ANXA6: variants seen among roughly 807,000 people sequenced by gnomAD.
The protein encoded by ANXA6 is 67 kDa calelectrin.
Under a neutral mutation model 95.4 loss-of-function variants are expected in ANXA6, and 71 were observed. The observed-to-expected ratio is 0.74, with a 90% CI of 0.61 to 0.91. ANXA6 has a LOEUF of 0.91. Ranked by LOEUF, ANXA6 falls within the 40% of genes least tolerant of loss-of-function variation. The pLI, the probability that ANXA6 is intolerant of heterozygous loss-of-function variation, is 0.00. For synonymous variants in ANXA6, 289 were observed against 315.9 expected (o/e 0.91, Z 0.90); for missense variants, 830 against 876.4 (o/e 0.95, Z 0.67).
intron 25 of ANXA6, 137 bp downstream of exon 25, chr5:151,103,433 C>T: frequency 1.5e-6 from 1 of 689,582 alleles, no homozygotes; most frequent in Non-Finnish European, 2.3e-6. Context: ...CAATACAGAC[C>T]CCCTTTCATT....
chr5:151,141,107 G>C (rs1045412805), intron 2 of ANXA6, among the ~76,000 whole-genome samples: 5 of 152,248 alleles, frequency 3.3e-5, no homozygotes, highest in Admixed American at 6.5e-5. Context: ...AGAGAGCCAG[G>C]GGATCTTAGA....
At chr5:151,105,744 G>C (rs1017090099) in intron 23 of ANXA6, among the ~76,000 whole-genome samples, 3 of 152,156 alleles carry the variant, frequency 2.0e-5, no homozygotes, top group Non-Finnish European at 4.4e-5. Context: ...AACAACATTA[G>C]CATCACTTGA....
In ANXA6 at chr5:151,140,207, C is replaced by A; in HGVS notation, c.55G>T (p.Gly19Cys). Residue 19 changes from glycine (G) to cysteine (C), a missense_variant, in exon 3 of 26, where the codon GGC becomes TGC. Coordinates refer to ENST00000354546, the MANE Select transcript of ANXA6 (RefSeq NM_001155.5). Reference protein sequence around the residue: ...KYRGSIHDFPGFDPNQDAEAL... With the variant: ...KYRGSIHDFPCFDPNQDAEAL... ...TCGGCATCCTGGTTGGGGTCAAAGCCTGGGAAGTCATGGATGGAGCCCCGG... is the reference window on the plus strand; with the variant it reads ...TCGGCATCCTGGTTGGGGTCAAAGCATGGGAAGTCATGGATGGAGCCCCGG... The A allele has an allele frequency of 1.2e-6, 2 of 1,613,912 alleles. No individual in the cohort carries two copies. The highest frequency in any genetic ancestry group is 1.7e-4 in the Middle Eastern group (1 of 6,060).
chr5:151,137,160 G>T, intron 6 of ANXA6, 71 bp downstream of exon 6: 1 of 1,305,198 alleles, frequency 7.7e-7, no homozygotes, highest in Non-Finnish European at 1.1e-6. Flanking sequence ...TAGAATCTTA[G>T]TGTCCCCACT....
intron 1 of ANXA6, among the ~76,000 whole-genome samples, chr5:151,156,868 A>T (rs1440695956): frequency 6.6e-6 from 1 of 152,204 alleles, no homozygotes; most frequent in Non-Finnish European, 1.5e-5. Flanking sequence ...TGGGTTTCTC[A>T]ACTATGGACT....
In ANXA6 at chr5:151,157,211, C is replaced by T. The variant is rs62379702; in HGVS notation, c.-26+469G>A. Reference sequence around the variant, plus strand: ...CGCAGGCAGCCCTCCCCCGACACCACACACAAGCCATTTTATAAGCAGCTG... The same window carrying T: ...CGCAGGCAGCCCTCCCCCGACACCATACACAAGCCATTTTATAAGCAGCTG... On this transcript the variant is annotated intron_variant, in intron 1 of 25. Transcript: ENST00000354546. 5.0e-3 allele frequency among the ~76,000 whole-genome samples: 767 copies of T among 152,326 alleles called. 6 individuals carry two copies. The highest frequency in any genetic ancestry group is 7.6e-3 in the Admixed American group (116 of 15,310).
At chr5:151,135,249 T>C (rs1765625100) in intron 7 of ANXA6, among the ~76,000 whole-genome samples, 1 of 152,150 alleles carries the variant, frequency 6.6e-6, no homozygotes, top group Non-Finnish European at 1.5e-5. Context: ...GCTTACAATG[T>C]GTGCCGCGCT....
intron 14 of ANXA6, among the ~76,000 whole-genome samples, chr5:151,126,054 AGTGCACCCAGGGATGCCCATCT>A (rs1765305959): frequency 1.3e-5 from 2 of 152,304 alleles, no homozygotes; most frequent in Admixed American, 1.3e-4. Context: ...GAAATCCTCC[AGTGCACCCAGGGATGCCCATCT>A]GTTCTCAGCT....
At chr5:151,148,053 G>A in intron 1 of ANXA6, 127 bp from the exon 2 acceptor site, 1 of 876,464 alleles carries the variant, frequency 1.1e-6, no homozygotes, top group Non-Finnish European at 1.8e-6. Context: ...CAGACCCAAT[G>A]ACCCAGCTCA....
At chr5:151,145,944 TCTC>T (rs561496150) in intron 2 of ANXA6, among the ~76,000 whole-genome samples, 267 of 152,088 alleles carry the variant, frequency 1.8e-3, no homozygotes, top group African/African-American at 6.0e-3. Flanking sequence ...GCCTCCCCTC[TCTC>T]CTCAACCTAG....
At chr5:151,117,258 C>A in intron 19 of ANXA6, 78 bp from the exon 20 acceptor site, 1 of 1,366,422 alleles carries the variant, frequency 7.3e-7, no homozygotes, top group South Asian at 1.4e-5. Context: ...ACACCCTGCT[C>A]ATTTTCACCT....
At chr5:151,113,103 A>G (rs1015147986) in intron 20 of ANXA6, among the ~76,000 whole-genome samples, 2 of 152,138 alleles carry the variant, frequency 1.3e-5, no homozygotes, top group African/African-American at 2.4e-5. Flanking sequence ...ACTGAACTGT[A>G]TACTTTAAAA....
chr5:151,138,688 T>A lies in ANXA6; in HGVS notation c.308A>T (p.Asp103Val). 6.2e-7 allele frequency: 1 copy of A among 1,612,720 alleles called. No homozygotes were observed. Among genetic ancestry groups the A allele is most frequent in the Non-Finnish European group, 8.5e-7 (1 of 1,178,770 alleles). Residue 103 changes from aspartate to valine, a missense_variant, in exon 5 of 26, where the codon GAT becomes GTT. Physicochemically the swap from Asp to Val is radical, Grantham distance 152. Coordinates refer to ENST00000354546, the MANE Select transcript of ANXA6 (RefSeq NM_001155.5). ...ACCCCCACTTCTTACCGAGATGGCA[T>A]CTTTAATTTCTTTGGCATCACAATA... Reference protein sequence around the residue: ...PAYCDAKEIKDAISGIGTDEK... With the variant: ...PAYCDAKEIKVAISGIGTDEK...
At chr5:151,116,581 T>C (rs12234105) in intron 20 of ANXA6, among the ~76,000 whole-genome samples, 11,295 of 152,310 alleles carry the variant, frequency 0.074, 549 homozygotes, top group South Asian at 0.15. Context: ...CTGCTATTCA[T>C]TCAACAAATA....
intron 23 of ANXA6, 149 bp from the exon 24 acceptor site, chr5:151,105,452 T>A: frequency 2.9e-6 from 2 of 693,486 alleles, no homozygotes; most frequent in East Asian, 5.5e-5. Context: ...AGACGACACC[T>A]TTGCTCCCCT....
intron 17 of ANXA6, among the ~76,000 whole-genome samples, chr5:151,120,089 A>G (rs1437355482): frequency 6.6e-6 from 1 of 152,186 alleles, no homozygotes; most frequent in Non-Finnish European, 1.5e-5. Flanking sequence ...CATATTGTCC[A>G]GGCTGGTCTG....
rs969975006 is a variant in ANXA6 at position 151,100,764 on chromosome 5, G to A, written c.*684C>T. On this transcript the variant is annotated 3_prime_UTR_variant, in exon 26 of 26. Transcript: ENST00000354546. Reference sequence around the variant, plus strand: ...CTTCCTTAGAAATAAAAAGTGTCAAGGGAATGAATCGGAGGCATACTTTAG... The same window carrying A: ...CTTCCTTAGAAATAAAAAGTGTCAAAGGAATGAATCGGAGGCATACTTTAG... The A allele has an allele frequency of 4.1e-5, 17 of 411,814 alleles. No individual in the cohort carries two copies. Among genetic ancestry groups the A allele is most frequent in the Non-Finnish European group, 7.8e-5 (16 of 205,108 alleles). 25.5% of individuals were successfully genotyped at this position (411,814 alleles called of 1,614,324 possible).
chr5:151,152,305 G>C (rs557118085), intron 1 of ANXA6, among the ~76,000 whole-genome samples: 56 of 152,334 alleles, frequency 3.7e-4, no homozygotes, highest in African/African-American at 1.3e-3. Flanking sequence ...CTCAATAAAT[G>C]GTGGCTTTTA....
chr5:151,118,470 G>T (rs970418316), intron 18 of ANXA6, among the ~76,000 whole-genome samples: 2 of 151,792 alleles, frequency 1.3e-5, no homozygotes, highest in Non-Finnish European at 2.9e-5. Flanking sequence ...GTCTCATTCT[G>T]TCTCCCAGGT....
Sources: allele counts gnomAD v4.1 joint callset (sites outside exome capture counted in the v4.1 genomes callset), GRCh38; gene constraint gnomAD v4.1.1; transcripts MANE v1.5; gene names NCBI Gene and HGNC (gene_info 2026-07-23, HGNC 2026-07-21).